Variants in CDR2L observed in about 807,000 individuals in gnomAD.
CDR2L encodes the protein cerebellar degeneration related protein 2 like, also known as cerebellar degeneration-related protein 2-like.
Under a neutral mutation model 36.1 loss-of-function variants are expected in CDR2L, and 19 were observed. The observed-to-expected ratio is 0.53, with a 90% confidence interval of 0.37 to 0.77. The LOEUF (loss-of-function observed/expected upper bound fraction) is 0.77, where lower values mean the gene tolerates loss of function less well. CDR2L is among the 30% of genes least tolerant of loss of function. CDR2L has a pLI of 0.00. For missense variants in CDR2L, 575 were observed against 627.2 expected (o/e 0.92, Z 0.89); for synonymous variants, 285 against 280.4 (o/e 1.02, Z -0.16).
In CDR2L at chr17:75,004,355, C is replaced by G. The variant is rs1289613807; in HGVS notation, c.*281C>G. The G allele has an allele frequency of 2.6e-6, 1 of 381,232 alleles. No homozygotes were observed. Among genetic ancestry groups the G allele is most frequent in the African/African-American group, 2.1e-5 (1 of 48,072 alleles). 23.6% of individuals were successfully genotyped at this position (381,232 alleles called of 1,614,324 possible). A position where few individuals can be genotyped will look rare whatever the true frequency, so the allele number is the denominator to read the frequency against. On this transcript the variant is annotated 3_prime_UTR_variant, in exon 5 of 5. Transcript: ENST00000337231. ...AGGGATCCCCCAGCTCCCCCAGCCC[C>G]TGGCTTCCTGACCCTGCGCCTCACC...
Position 75,003,689 on chromosome 17 carries a change from TCACACTGCACGCCAACAGC to T in CDR2L, c.1014_1032del (p.Thr339CysfsTer27), listed in dbSNP as rs2039883705. 1.0e-5 allele frequency: 15 copies of T among 1,463,970 alleles called. No individual in the cohort carries two copies. Among genetic ancestry groups the T allele is most frequent in the Admixed American group, 2.7e-5 (1 of 37,018 alleles). 90.7% of individuals were successfully genotyped at this position (1,463,970 alleles called of 1,614,324 possible). On this transcript the variant is annotated frameshift_variant, in exon 5 of 5. Transcript: ENST00000337231. LOFTEE classifies it high-confidence loss of function. ...CCAGCCAGCCGGCACGCGGGCAACCTCACACTGCACGCCAACAGCGTGCGCAAGCGGGGCATGTCCATCC... is the reference window on the plus strand; with the variant it reads ...CCAGCCAGCCGGCACGCGGGCAACCTGTGCGCAAGCGGGGCATGTCCATCC...
At chr17:74,998,504 G>A (rs1053143306) in intron 1 of CDR2L, among the ~76,000 whole-genome samples, 1 of 151,346 alleles carries the variant, frequency 6.6e-6, no homozygotes, top group Non-Finnish European at 1.5e-5. Flanking sequence ...ACCCCAGCCT[G>A]GGTCCCATCC....
chr17:74,999,325 C>CAAAAAAAA lies in CDR2L; in HGVS notation c.80-174_80-173insAAAAAAAA, dbSNP rs1555635972. Among the ~76,000 whole-genome samples the CAAAAAAAA allele has an allele frequency of 3.3e-5, 5 of 151,094 alleles. No homozygotes were observed. In the East Asian group the frequency reaches 6.1e-4, roughly 18 times the overall value. On this transcript the variant is annotated intron_variant, in intron 1 of 4. Transcript: ENST00000337231. ...ACACACACACACACACAGACACACA[C>CAAAAAAAA]AAAAAGAACATTCCAGGCAGAAATA... is the stretch of plus-strand genomic sequence containing the variant.
At position 75,002,249 on chromosome 17, in the gene CDR2L, G is replaced by T. The variant is rs1278872250; in HGVS notation, c.506+21G>T. On this transcript the variant is annotated intron_variant, in intron 4 of 4. Coordinates refer to ENST00000337231, the MANE Select transcript of CDR2L (RefSeq NM_014603.3). This position sits in a 1 kb window ranked among gnomAD's most constrained non-coding sequence, Gnocchi z 4.1. ...CCCCGGTAGGTGAGAGCACTGCTTG[G>T]TGTCTCTGGGATTGCCAGCCATGGG... 6.3e-7 allele frequency: 1 copy of T among 1,593,300 alleles called. No homozygotes were observed. The highest frequency in any genetic ancestry group is 8.5e-7 in the Non-Finnish European group (1 of 1,170,920).
rs769339330 is a variant in CDR2L at position 75,003,761 on chromosome 17, C to T, written c.1085C>T (p.Ala362Val). ...CGGGAGGTGGACGAGCAGTACCACG[C>T]GCTGCTGGAGAAGTACGAGGAGCTG... ...ILREVDEQYH[A>V]LLEKYEELLS... The change falls in exon 5 of 5, where the codon GCG becomes GTG. Residue 362 changes from alanine (A) to valine (V), a missense_variant. Ala to Val is a moderately conservative substitution (Grantham distance 64). Transcript: ENST00000337231. The T allele has an allele frequency of 2.7e-6, 4 of 1,503,002 alleles. No individual in the cohort carries two copies. The highest frequency in any genetic ancestry group is 2.0e-4 in the Middle Eastern group (1 of 4,988). The allele number at this position is 1,503,002 out of a possible 1,614,324, so 93.1% of individuals were successfully genotyped here.
chr17:74,996,271 C>A lies in CDR2L; in HGVS notation c.80-3233C>A, dbSNP rs531462970. On this transcript the variant is annotated intron_variant, in intron 1 of 4. Transcript: ENST00000337231. Reference sequence around the variant, plus strand: ...CCAGCCTGACCAACATGGTGAAACCCCATCTCTATTAAAAATACAAAAATT... The same window carrying A: ...CCAGCCTGACCAACATGGTGAAACCACATCTCTATTAAAAATACAAAAATT... Among the ~76,000 whole-genome samples, 52 of 151,850 alleles carry A rather than the reference C, an allele frequency of 3.4e-4. No individual in the cohort carries two copies. The South Asian group carries it at 0.011, about 32-fold the overall frequency.
At chr17:74,997,428 C>T (rs535991581) in intron 1 of CDR2L, among the ~76,000 whole-genome samples, 71 of 152,256 alleles carry the variant, frequency 4.7e-4, no homozygotes, top group African/African-American at 1.6e-3. Context: ...TTGCCTGAGC[C>T]TCCCGGGGAG....
Position 75,004,171 on chromosome 17 carries a change from C to T in CDR2L, c.*97C>T, listed in dbSNP as rs1422942721. On this transcript the variant is annotated 3_prime_UTR_variant, in exon 5 of 5. Transcript: ENST00000337231. ...CAGAGAGCGAGCGCCCTTTAGCGGC[C>T]TGCCACCACAGCACGCGGCCTCCTG... is the stretch of plus-strand genomic sequence containing the variant. 1.8e-6 allele frequency: 2 copies of T among 1,082,880 alleles called. No individual in the cohort carries two copies. The highest frequency in any genetic ancestry group is 1.6e-5 in the African/African-American group (1 of 62,364). The allele number at this position is 1,082,880 out of a possible 1,614,324, so 67.1% of individuals were successfully genotyped here. A position where few individuals can be genotyped will look rare whatever the true frequency, so the allele number is the denominator to read the frequency against.
chr17:74,988,253 C>A, intron 1 of CDR2L, 131 bp downstream of exon 1: 1 of 545,748 alleles, frequency 1.8e-6, no homozygotes, highest in Non-Finnish European at 3.1e-6. Flanking sequence ...GGAGGAGGGA[C>A]GCGTCTGGAG....
In CDR2L at chr17:75,002,789, G is replaced by A. The variant is rs1348026880; in HGVS notation, c.507-394G>A. Among the ~76,000 whole-genome samples, 1 of 152,142 alleles carries A rather than the reference G, an allele frequency of 6.6e-6. No homozygotes were observed. Among genetic ancestry groups the A allele is most frequent in the Non-Finnish European group, 1.5e-5 (1 of 68,020 alleles). On this transcript the variant is annotated intron_variant, in intron 4 of 4. Coordinates refer to ENST00000337231, the MANE Select transcript of CDR2L (RefSeq NM_014603.3). The surrounding 1 kb of genome is among the most constrained non-coding windows in gnomAD (Gnocchi z 4.1). ...CAGAGAGGAGCTGCCACCAGCCCTAGGCCTCAAAGCGCAAGGGGGAAGGGA... is the reference window on the plus strand; with the variant it reads ...CAGAGAGGAGCTGCCACCAGCCCTAAGCCTCAAAGCGCAAGGGGGAAGGGA...
rs1052280100 is a variant in CDR2L, at chr17:74,997,432, C to T, written c.80-2072C>T. 7.2e-5 allele frequency among the ~76,000 whole-genome samples: 11 copies of T among 152,118 alleles called. 1 individual carries two copies. The highest frequency in any genetic ancestry group is 2.0e-4 in the Admixed American group (3 of 15,278). On this transcript the variant is annotated intron_variant, in intron 1 of 4. Transcript: ENST00000337231. Reference sequence around the variant, plus strand: ...AAGCTGTCCATTTGCCTGAGCCTCCCGGGGAGAGTGAAGCTCTCCCTTGCC... The same window carrying T: ...AAGCTGTCCATTTGCCTGAGCCTCCTGGGGAGAGTGAAGCTCTCCCTTGCC...
At chr17:74,990,374 G>A (rs1404312174) in intron 1 of CDR2L, among the ~76,000 whole-genome samples, 1 of 152,214 alleles carries the variant, frequency 6.6e-6, no homozygotes, top group Non-Finnish European at 1.5e-5. Context: ...GGAGCTTCCT[G>A]CCAAAAGCTG....
Position 75,003,271 on chromosome 17 carries a change from G to T in CDR2L, c.595G>T (p.Val199Leu). ...EQENERLQTL[V>L]GALRSQVSQE... is the part of the protein sequence containing the mutation. ...GGAGAACGAGCGGCTGCAGACCCTG[G>T]TGGGGGCGCTGCGCTCCCAGGTGAG... The change falls in exon 5 of 5, where the codon GTG becomes TTG. Residue 199 changes from valine to leucine, a missense_variant. By Grantham distance (32) the Val-to-Leu change is conservative. Coordinates refer to ENST00000337231, the MANE Select transcript of CDR2L (RefSeq NM_014603.3). 6.4e-7 allele frequency: 1 copy of T among 1,557,798 alleles called. No homozygotes were observed. The highest frequency in any genetic ancestry group is 1.2e-5 in the South Asian group (1 of 84,462).
At chr17:74,988,436 T>C (rs2144853509) in intron 1 of CDR2L, among the ~76,000 whole-genome samples, 1 of 152,282 alleles carries the variant, frequency 6.6e-6, no homozygotes, top group South Asian at 2.1e-4. Flanking sequence ...CCGCCCCTGG[T>C]ATTGTTACGG....
intron 1 of CDR2L, among the ~76,000 whole-genome samples, chr17:74,997,866 C>T (rs1224728530): frequency 6.8e-6 from 1 of 147,776 alleles, no homozygotes; most frequent in Admixed American, 6.8e-5. Context: ...AAAAAATTAG[C>T]CGGGCGTGGT....
chr17:75,004,165 A>G lies in CDR2L; in HGVS notation c.*91A>G, dbSNP rs927941091. 8.6e-7 allele frequency: 1 copy of G among 1,165,266 alleles called. No individual in the cohort carries two copies. The highest frequency in any genetic ancestry group is 1.2e-6 in the Non-Finnish European group (1 of 838,398). The allele number at this position is 1,165,266 out of a possible 1,614,324, so 72.2% of individuals were successfully genotyped here. The stretch of plus-strand genomic sequence containing the variant: ...AGCTTCCAGAGAGCGAGCGCCCTTT[A>G]GCGGCCTGCCACCACAGCACGCGGC... On this transcript the variant is annotated 3_prime_UTR_variant, in exon 5 of 5. Coordinates refer to ENST00000337231, the MANE Select transcript of CDR2L (RefSeq NM_014603.3).
chr17:74,997,926 AAAAAAAAAAAAGTACCGGGCACGGTGG>A (rs2039840767), intron 1 of CDR2L, among the ~76,000 whole-genome samples: 1 of 150,906 alleles, frequency 6.6e-6, no homozygotes, highest in East Asian at 1.9e-4. Context: ...AGTTAAAAAA[AAAAAAAAAAAAGTACCGGGCACGGTGG>A]CTCACGCCTG....
At chr17:75,000,488 C>T (rs1425475247) in intron 2 of CDR2L, among the ~76,000 whole-genome samples, 5 of 149,310 alleles carry the variant, frequency 3.3e-5, no homozygotes, top group Admixed American at 6.7e-5. Context: ...TTAGTAGAGA[C>T]GAGGTTTCAC....
chr17:75,003,299 A>G lies in CDR2L; in HGVS notation c.623A>G (p.Gln208Arg), dbSNP rs1299385789. 1.9e-6 allele frequency: 3 copies of G among 1,556,238 alleles called. No homozygotes were observed. Among genetic ancestry groups the G allele is most frequent in the Non-Finnish European group, 2.6e-6 (3 of 1,150,880 alleles). ...GGGGCGCTGCGCTCCCAGGTGAGCCAGGAGCGGCAGCGCAAGGAGCGGGCG... is the reference window on the plus strand; with the variant it reads ...GGGGCGCTGCGCTCCCAGGTGAGCCGGGAGCGGCAGCGCAAGGAGCGGGCG... ...LVGALRSQVS[Q>R]ERQRKERAER... The change falls in exon 5 of 5, where the codon CAG becomes CGG. Residue 208 changes from glutamine (Q) to arginine (R), a missense_variant. Transcript: ENST00000337231.
Sources: gnomAD v4.1 joint callset for allele counts (sites outside exome capture counted in the v4.1 genomes callset) on GRCh38, gnomAD v4.1.1 for gene constraint, Gnocchi (gnomAD v3.1) non-coding constraint, MANE v1.5 for transcripts, NCBI Gene and HGNC (gene_info 2026-07-23, HGNC 2026-07-21) for gene names.